UST: variants seen among roughly 807,000 people sequenced by gnomAD.
UST encodes uronyl 2-sulfotransferase.
Under a neutral mutation model 45.6 loss-of-function variants are expected in UST, and 21 were observed. The observed-to-expected ratio is 0.46, with a 90% confidence interval of 0.33 to 0.66. The LOEUF is 0.66. Ranked by LOEUF, UST falls within the 30% of genes least tolerant of loss-of-function variation. The pLI is 0.02. For missense variants in UST, 463 were observed against 512.4 expected (o/e 0.90, Z 0.93); for synonymous variants, 215 against 200.6 (o/e 1.07, Z -0.61).
intron 5 of UST, among the ~76,000 whole-genome samples, chr6:148,986,992 A>G (rs1781250067): frequency 6.6e-6 from 1 of 152,246 alleles, no homozygotes; most frequent in South Asian, 2.1e-4. Flanking sequence ...AACATCTACA[A>G]AATAATACAA....
intron 5 of UST, among the ~76,000 whole-genome samples, chr6:149,014,498 A>T (rs1365433018): frequency 6.6e-6 from 1 of 152,200 alleles, no homozygotes; most frequent in Non-Finnish European, 1.5e-5. Context: ...AGAGTATGCG[A>T]TGTGGCACCT....
intron 7 of UST, among the ~76,000 whole-genome samples, chr6:149,048,052 T>A (rs1282534992): frequency 6.6e-6 from 1 of 152,046 alleles, no homozygotes; most frequent in Non-Finnish European, 1.5e-5. Flanking sequence ...GTAAATTAGT[T>A]AGCTAAATGT....
rs573057578 is a variant in UST at position 149,019,368 on chromosome 6, A to G, written c.779+132A>G. 1.1e-3 allele frequency: 759 copies of G among 679,922 alleles called. 4 individuals carry two copies. Among genetic ancestry groups the G allele is most frequent in the Non-Finnish European group, 8.2e-5 (32 of 388,000 alleles). 42.1% of individuals were successfully genotyped at this position (679,922 alleles called of 1,614,324 possible). On this transcript the variant is annotated intron_variant, in intron 6 of 7. Coordinates refer to ENST00000367463, the MANE Select transcript of UST (RefSeq NM_005715.3). Reference sequence around the variant, plus strand: ...TTCTGGAATTCAGTTCCTGTTTACTATTAATCTTTCAAGATAATATTTGAG... The same window carrying G: ...TTCTGGAATTCAGTTCCTGTTTACTGTTAATCTTTCAAGATAATATTTGAG...
chr6:149,054,516 G>A (rs1776534800), intron 7 of UST, among the ~76,000 whole-genome samples: 1 of 152,012 alleles, frequency 6.6e-6, no homozygotes, highest in Non-Finnish European at 1.5e-5. Flanking sequence ...TGGAGTTGGG[G>A]GACACCGATG....
At chr6:148,749,338 G>A (rs1199796126) in intron 1 of UST, among the ~76,000 whole-genome samples, 3 of 152,220 alleles carry the variant, frequency 2.0e-5, no homozygotes, top group African/African-American at 7.2e-5. Flanking sequence ...TGGGAGGCAA[G>A]CGTTGAGGCT....
At chr6:148,843,615 T>C (rs1777927803) in intron 1 of UST, among the ~76,000 whole-genome samples, 1 of 152,132 alleles carries the variant, frequency 6.6e-6, no homozygotes, top group African/African-American at 2.4e-5. Flanking sequence ...CTCTAAGAGG[T>C]GAAGTAATTT....
intron 1 of UST, among the ~76,000 whole-genome samples, chr6:148,846,145 C>A (rs1408594255): frequency 6.6e-6 from 1 of 151,080 alleles, no homozygotes; most frequent in African/African-American, 2.4e-5. Context: ...GACACATGCA[C>A]ACGTATGTTT....
At chr6:148,971,412 T>A (rs1780917567) in intron 5 of UST, among the ~76,000 whole-genome samples, 1 of 152,158 alleles carries the variant, frequency 6.6e-6, no homozygotes, top group African/African-American at 2.4e-5. Flanking sequence ...GAGACAGGCA[T>A]TCATCCCAAA....
chr6:149,061,731 G>A (rs1776658291), intron 7 of UST, among the ~76,000 whole-genome samples: 1 of 152,162 alleles, frequency 6.6e-6, no homozygotes, highest in African/African-American at 2.4e-5. Context: ...GCTTTCTGTG[G>A]ATACTCCCAA....
At chr6:149,022,731 G>T (rs1045582624) in intron 7 of UST, among the ~76,000 whole-genome samples, 4 of 152,224 alleles carry the variant, frequency 2.6e-5, no homozygotes, top group African/African-American at 9.6e-5. Context: ...AGGGAAACTG[G>T]TCTTTGCCCA....
chr6:148,978,596 C>T (rs1781068879), intron 5 of UST, among the ~76,000 whole-genome samples: 2 of 152,238 alleles, frequency 1.3e-5, no homozygotes, highest in South Asian at 2.1e-4. Flanking sequence ...ACCGCATGTT[C>T]TCACTCATAA....
At chr6:149,008,723 T>C (rs146008006) in intron 5 of UST, among the ~76,000 whole-genome samples, 15 of 152,288 alleles carry the variant, frequency 9.8e-5, no homozygotes, top group African/African-American at 3.6e-4. Flanking sequence ...GAGATGTCTA[T>C]ATGGAAGAGA....
chr6:149,025,453 C>T (rs968634165), intron 7 of UST, among the ~76,000 whole-genome samples: 1 of 152,056 alleles, frequency 6.6e-6, no homozygotes, highest in Non-Finnish European at 1.5e-5. Flanking sequence ...AGAGAATATG[C>T]TTGGTATTTC....
chr6:148,773,284 A>G (rs1776467436), intron 1 of UST, among the ~76,000 whole-genome samples: 1 of 152,120 alleles, frequency 6.6e-6, no homozygotes, highest in African/African-American at 2.4e-5. Flanking sequence ...AACATGGTGA[A>G]ACCCCATCTC....
At chr6:148,873,195 T>C (rs1035858706) in intron 1 of UST, among the ~76,000 whole-genome samples, 11 of 152,198 alleles carry the variant, frequency 7.2e-5, no homozygotes, top group African/African-American at 1.7e-4. Flanking sequence ...TTCAAAGTAA[T>C]GGTGACTCTG....
chr6:148,790,017 A>T lies in UST; in HGVS notation c.247+42340A>T, dbSNP rs13191451. Among the ~76,000 whole-genome samples, 1 of 135,006 alleles carries T rather than the reference A, an allele frequency of 7.4e-6. No individual in the cohort carries two copies. Among genetic ancestry groups the T allele is most frequent in the African/African-American group, 2.8e-5 (1 of 35,756 alleles). The allele number at this position is 135,006 out of a possible 152,430, so 88.6% of individuals were successfully genotyped here. ...TTTTTTTTTTTTTTTTTCCAGCTTT[A>T]AGTGCCTATCCTTTTTGTCTGGGAA... On this transcript the variant is annotated intron_variant, in intron 1 of 7. Transcript: ENST00000367463. The surrounding 1 kb of genome is among the most constrained non-coding windows in gnomAD (Gnocchi z 4.2).
intron 7 of UST, among the ~76,000 whole-genome samples, chr6:149,060,672 C>T (rs918306019): frequency 1.6e-4 from 24 of 152,174 alleles, no homozygotes; most frequent in African/African-American, 5.8e-4. Context: ...CTCCCACTGC[C>T]GAGTGCTCCA....
chr6:148,913,117 T>C (rs1779509013), intron 2 of UST, among the ~76,000 whole-genome samples: 2 of 152,206 alleles, frequency 1.3e-5, no homozygotes, highest in South Asian at 4.1e-4. Flanking sequence ...GTGGAGCCAG[T>C]AAGGACTTGC....
rs1359394423 is a variant in UST, at chr6:148,912,916, A to G, written c.291+25887A>G. Among the ~76,000 whole-genome samples the G allele has an allele frequency of 2.0e-5, 3 of 152,210 alleles. No individual in the cohort carries two copies. The East Asian group carries it at 5.8e-4, about 29-fold the overall frequency. On this transcript the variant is annotated intron_variant, in intron 2 of 7. Coordinates refer to ENST00000367463, the MANE Select transcript of UST (RefSeq NM_005715.3). ...ATTTGAAGGATCAGTTATCAGTGGTAATGTGCACTTAAATCCACTGGGAAT... is the reference window on the plus strand; with the variant it reads ...ATTTGAAGGATCAGTTATCAGTGGTGATGTGCACTTAAATCCACTGGGAAT...
Sources: allele counts gnomAD v4.1 joint callset (sites outside exome capture counted in the v4.1 genomes callset), GRCh38; gene constraint gnomAD v4.1.1; non-coding constraint Gnocchi (gnomAD v3.1); transcripts MANE v1.5; gene names NCBI Gene and HGNC (gene_info 2026-07-23, HGNC 2026-07-21).